CADM2: variants seen among roughly 807,000 people sequenced by gnomAD.
The protein encoded by CADM2 is immunoglobulin superfamily member 4D.
Under a neutral mutation model 49.8 loss-of-function variants are expected in CADM2, and 12 were observed. That is an observed-to-expected ratio of 0.24 (90% confidence interval 0.15 to 0.39). The LOEUF is 0.39. Among genes scored for constraint, CADM2 ranks in the 10% least tolerant of loss-of-function variants. The pLI, the probability that CADM2 is intolerant of heterozygous loss-of-function variation, is 1.00. For missense variants in CADM2, 378 were observed against 492.3 expected (o/e 0.77, Z 2.20); for synonymous variants, 214 against 175.4 (o/e 1.22, Z -1.74).
chr3:85,257,669 A>G (rs2042919214), intron 1 of CADM2, among the ~76,000 whole-genome samples: 1 of 152,104 alleles, frequency 6.6e-6, no homozygotes, highest in Non-Finnish European at 1.5e-5. Context: ...ATTAATATCC[A>G]GAGGATTGTG....
chr3:85,565,811 A>T (rs2062237826), intron 1 of CADM2, among the ~76,000 whole-genome samples: 1 of 152,064 alleles, frequency 6.6e-6, no homozygotes, highest in South Asian at 2.1e-4. Flanking sequence ...TTAAATGTTA[A>T]CTTTTAAAAG....
chr3:85,283,823 A>C (rs2043562362), intron 1 of CADM2, among the ~76,000 whole-genome samples: 2 of 152,148 alleles, frequency 1.3e-5, no homozygotes, highest in Non-Finnish European at 2.9e-5. Flanking sequence ...GAATTTGAGG[A>C]ATACCAAGTA....
At chr3:85,633,942 A>G (rs566763660) in intron 1 of CADM2, among the ~76,000 whole-genome samples, 1 of 152,150 alleles carries the variant, frequency 6.6e-6, no homozygotes, top group Non-Finnish European at 1.5e-5. Context: ...AAAATGAGGG[A>G]AATTTTAATA....
At chr3:85,799,306 T>C (rs2071839559) in intron 2 of CADM2, among the ~76,000 whole-genome samples, 1 of 152,198 alleles carries the variant, frequency 6.6e-6, no homozygotes, top group African/African-American at 2.4e-5. Context: ...TCCAATACTA[T>C]GTTGAATAGG....
At chr3:85,202,438 C>T (rs777190177) in intron 1 of CADM2, among the ~76,000 whole-genome samples, 14 of 152,098 alleles carry the variant, frequency 9.2e-5, no homozygotes, top group Admixed American at 3.3e-4. Context: ...CTGCATATCT[C>T]CATCAGAGGT....
chr3:84,968,282 A>C (rs976157061), intron 1 of CADM2, among the ~76,000 whole-genome samples: 3 of 151,780 alleles, frequency 2.0e-5, no homozygotes, highest in Non-Finnish European at 4.4e-5. Context: ...CCCTTTACTC[A>C]TGTGCAGCTT....
At chr3:85,990,129 A>G (rs1198513362) in intron 8 of CADM2, among the ~76,000 whole-genome samples, 1 of 151,578 alleles carries the variant, frequency 6.6e-6, no homozygotes. Flanking sequence ...GATGGTCTCC[A>G]AATTAGATAG....
At chr3:85,202,984 G>A (rs909664006) in intron 1 of CADM2, among the ~76,000 whole-genome samples, 1 of 152,076 alleles carries the variant, frequency 6.6e-6, no homozygotes, top group East Asian at 1.9e-4. Flanking sequence ...CTTTTCTTCT[G>A]CAGCTTCCTT....
At chr3:85,708,921 TTTCTTTGC>T (rs1268520247) in intron 1 of CADM2, among the ~76,000 whole-genome samples, 4 of 152,018 alleles carry the variant, frequency 2.6e-5, no homozygotes, top group African/African-American at 9.7e-5. Flanking sequence ...AGATTGTTTA[TTTCTTTGC>T]TTTTTTAAAA....
At chr3:85,732,896 A>T (rs998860678) in intron 2 of CADM2, among the ~76,000 whole-genome samples, 1 of 152,218 alleles carries the variant, frequency 6.6e-6, no homozygotes, top group African/African-American at 2.4e-5. Context: ...AATCTATTAA[A>T]TCCTCTAAAG....
intron 1 of CADM2, among the ~76,000 whole-genome samples, chr3:85,443,186 T>G (rs2037290975): frequency 6.6e-6 from 1 of 152,146 alleles, no homozygotes; most frequent in African/African-American, 2.4e-5. Flanking sequence ...TGTTGCACAA[T>G]TATTTTATAT....
At chr3:85,814,262 C>A (rs1010791992) in intron 3 of CADM2, among the ~76,000 whole-genome samples, 1 of 151,910 alleles carries the variant, frequency 6.6e-6, no homozygotes, top group African/African-American at 2.4e-5. Flanking sequence ...CTTCATATAC[C>A]TTATATGTTT....
At chr3:85,572,663 G>T (rs374116015) in intron 1 of CADM2, among the ~76,000 whole-genome samples, 13 of 152,338 alleles carry the variant, frequency 8.5e-5, no homozygotes, top group African/African-American at 2.6e-4. Flanking sequence ...AAAAGCCTGA[G>T]AATCAGTGGT....
At chr3:85,979,933 A>C (rs1727268046) in intron 8 of CADM2, among the ~76,000 whole-genome samples, 1 of 151,636 alleles carries the variant, frequency 6.6e-6, no homozygotes, top group Non-Finnish European at 1.5e-5. Flanking sequence ...TATTTCAAAG[A>C]AATCAACCTT....
intron 2 of CADM2, among the ~76,000 whole-genome samples, chr3:85,743,112 A>C (rs538685848): frequency 1.3e-5 from 2 of 152,006 alleles, no homozygotes; most frequent in Admixed American, 1.3e-4. Flanking sequence ...TTTCCCACTG[A>C]CCTCTTTCAG....
rs1739780128 is a variant in CADM2, at chr3:86,070,612, T to A, written c.*3829T>A. 1 of 136,908 alleles carries A rather than the reference T, an allele frequency of 7.3e-6. No individual in the cohort carries two copies. The highest frequency in any genetic ancestry group is 1.5e-5 in the Non-Finnish European group (1 of 64,906). The allele number at this position is 136,908 out of a possible 1,614,324, so 8.5% of individuals were successfully genotyped here. On this transcript the variant is annotated 3_prime_UTR_variant, in exon 10 of 10. Coordinates refer to ENST00000383699, the MANE Select transcript of CADM2 (RefSeq NM_001167675.2). ...TATTATTTCCCTTTGCAAATGGTAA[T>A]TTCTGATAAAACAATACAAAACAAA...
At chr3:85,215,823 A>T (rs908529041) in intron 1 of CADM2, among the ~76,000 whole-genome samples, 4 of 151,998 alleles carry the variant, frequency 2.6e-5, no homozygotes, top group African/African-American at 9.7e-5. Flanking sequence ...AGTTCTGCCC[A>T]ATGTTGCTTT....
At chr3:85,186,012 C>T (rs1413779587) in intron 1 of CADM2, among the ~76,000 whole-genome samples, 3 of 152,170 alleles carry the variant, frequency 2.0e-5, no homozygotes, top group Non-Finnish European at 4.4e-5. Flanking sequence ...GTGAAAGGTC[C>T]TGCCATGGTA....
chr3:85,949,914 G>A (rs1165598901), intron 7 of CADM2, among the ~76,000 whole-genome samples: 5 of 150,908 alleles, frequency 3.3e-5, no homozygotes, highest in Non-Finnish European at 5.9e-5. Context: ...GAATTGAATG[G>A]TTTATAGGCT....
Sources: allele counts gnomAD v4.1 joint callset (sites outside exome capture counted in the v4.1 genomes callset), GRCh38; gene constraint gnomAD v4.1.1; transcripts MANE v1.5; gene names NCBI Gene and HGNC (gene_info 2026-07-23, HGNC 2026-07-21).